DIAPH2: variants seen among roughly 807,000 people sequenced by gnomAD.
DIAPH2 encodes diaphanous related formin 2, also known as protein diaphanous homolog 2.
Under a neutral mutation model 92.7 loss-of-function variants are expected in DIAPH2, and 35 were observed. The observed-to-expected ratio is 0.38, with a 90% CI of 0.29 to 0.50. The LOEUF (loss-of-function observed/expected upper bound fraction) is 0.50, where lower values mean the gene tolerates loss of function less well. DIAPH2 is among the 20% of genes least tolerant of loss of function. The probability of loss-of-function intolerance (pLI) is 0.94; values close to 1 mark genes in which losing one functional copy is unlikely to be tolerated. For missense variants in DIAPH2, 701 were observed against 819.5 expected (o/e 0.86, Z 1.77); for synonymous variants, 301 against 280.4 (o/e 1.07, Z -0.73).
intron 23 of DIAPH2, among the ~76,000 whole-genome samples, chrX:97,288,538 TC>T (rs1277343040): frequency 3.6e-5 from 4 of 110,029 alleles, no homozygotes; most frequent in South Asian, 4.0e-4. Flanking sequence ...GGTCAGGAGT[TC>T]GAGAACAGCC....
intron 4 of DIAPH2, among the ~76,000 whole-genome samples, chrX:96,787,314 G>A (rs181942594): frequency 9.0e-6 from 1 of 111,106 alleles, no homozygotes; most frequent in African/African-American, 3.3e-5. Flanking sequence ...ACCAATAAAT[G>A]GATTTTGAAC....
chrX:96,973,031 CCTTGT>C (rs764280675), intron 17 of DIAPH2, among the ~76,000 whole-genome samples: 4 of 110,470 alleles, frequency 3.6e-5, no homozygotes, highest in South Asian at 3.9e-4. Flanking sequence ...GAGACATTTG[CCTTGT>C]CTGGGAATAG....
intron 23 of DIAPH2, among the ~76,000 whole-genome samples, chrX:97,287,845 C>T (rs1347930727): frequency 1.9e-5 from 2 of 103,025 alleles, no homozygotes; most frequent in African/African-American, 7.1e-5. Context: ...CCCAGCTACT[C>T]GGGAGGCTGA....
chrX:97,183,501 A>G (rs1385126941), intron 22 of DIAPH2, among the ~76,000 whole-genome samples: 7 of 112,439 alleles, frequency 6.2e-5, no homozygotes, highest in African/African-American at 2.3e-4. Flanking sequence ...TGATAATTAA[A>G]TGTAGTCAAA....
At chrX:97,175,067 G>A (rs191688662) in intron 22 of DIAPH2, among the ~76,000 whole-genome samples, 2 of 111,701 alleles carry the variant, frequency 1.8e-5, no homozygotes, top group African/African-American at 6.5e-5. Context: ...CACAGTTTTT[G>A]GCCATTTGGA....
At chrX:97,497,194 G>A (rs1394119530) in intron 26 of DIAPH2, among the ~76,000 whole-genome samples, 5 of 111,394 alleles carry the variant, frequency 4.5e-5, no homozygotes, top group Non-Finnish European at 9.4e-5. Context: ...TTACTGAAAG[G>A]AAGGAGAATT....
rs6620168 is a variant in DIAPH2, at chrX:96,802,024, T to C, written c.447+43766T>C. 3.1e-4 allele frequency among the ~76,000 whole-genome samples: 35 copies of C among 112,213 alleles called. 1 individual carries two copies. The East Asian group carries it at 9.5e-3, about 30-fold the overall frequency. On this transcript the variant is annotated intron_variant, in intron 4 of 26. Transcript: ENST00000324765. ...AACAATACTGTCTCTTCCCAATTCC[T>C]ACTGTCCTTGTCCTCCCTAAAGACT...
intron 22 of DIAPH2, among the ~76,000 whole-genome samples, chrX:97,215,222 T>C (rs1477605278): frequency 2.7e-5 from 3 of 111,640 alleles, no homozygotes; most frequent in Admixed American, 9.6e-5. Context: ...CCTTCTAATA[T>C]AGTTTTCTTG....
At position 97,010,757 on chromosome X, in the gene DIAPH2, C is replaced by T. The variant is rs776984186; in HGVS notation, c.2050+45550C>T. Among the ~76,000 whole-genome samples the T allele has an allele frequency of 6.4e-4, 72 of 112,058 alleles. 2 individuals carry two copies. Among genetic ancestry groups the T allele is most frequent in the Admixed American group, 2.8e-3 (30 of 10,621 alleles). On this transcript the variant is annotated intron_variant, in intron 17 of 26. Coordinates refer to ENST00000324765, the MANE Select transcript of DIAPH2 (RefSeq NM_006729.5). ...TTTAGATCAAACCTAGGTACAACTA[C>T]GGTATGATCTAAGATGACATATAGA... is the stretch of plus-strand genomic sequence containing the variant.
intron 26 of DIAPH2, among the ~76,000 whole-genome samples, chrX:97,502,989 A>G (rs1602632395): frequency 8.9e-6 from 1 of 112,226 alleles, no homozygotes; most frequent in East Asian, 2.8e-4. Flanking sequence ...ATTTTGCAGG[A>G]AAATATTGTA....
chrX:96,940,452 G>C (rs1270019005), intron 12 of DIAPH2, among the ~76,000 whole-genome samples: 2 of 111,855 alleles, frequency 1.8e-5, no homozygotes. Context: ...ACATTTAACT[G>C]TTCAAGAGAC....
intron 22 of DIAPH2, among the ~76,000 whole-genome samples, chrX:97,225,022 C>T (rs1460010791): frequency 9.0e-6 from 1 of 110,842 alleles, no homozygotes; most frequent in Non-Finnish European, 1.9e-5. Context: ...TATCATGAAT[C>T]AATTGTGCTT....
intron 26 of DIAPH2, chrX:97,431,413 G>C (rs955843814): frequency 4.2e-4 from 47 of 112,288 alleles, no homozygotes; most frequent in African/African-American, 1.5e-3. Flanking sequence ...TAAAGCCCTT[G>C]TCTGATTAGT....
intron 4 of DIAPH2, among the ~76,000 whole-genome samples, chrX:96,814,373 A>G (rs1019221653): frequency 9.0e-5 from 10 of 111,684 alleles, no homozygotes; most frequent in African/African-American, 2.9e-4. Flanking sequence ...TTTCAGCTCC[A>G]TCAGGTCATT....
At chrX:97,346,282 G>T (rs1192925146) in intron 23 of DIAPH2, among the ~76,000 whole-genome samples, 1 of 110,963 alleles carries the variant, frequency 9.0e-6, no homozygotes, top group Non-Finnish European at 1.9e-5. Flanking sequence ...AAGCCCTTTG[G>T]GCGATTAAGG....
chrX:97,541,295 C>T (rs759696359), intron 26 of DIAPH2, among the ~76,000 whole-genome samples: 4 of 111,814 alleles, frequency 3.6e-5, no homozygotes, highest in Middle Eastern at 4.6e-3. Flanking sequence ...AGCACTTGTT[C>T]ACTGCAGCAT....
chrX:97,251,085 CAG>C (rs1313658531), intron 23 of DIAPH2, among the ~76,000 whole-genome samples: 3 of 111,882 alleles, frequency 2.7e-5, no homozygotes, highest in Non-Finnish European at 5.6e-5. Flanking sequence ...TGTTCTGACT[CAG>C]AAAAAATTAG....
Position 97,521,218 on chromosome X carries a change from G to A in DIAPH2, c.3242-78035G>A, listed in dbSNP as rs750196479. On this transcript the variant is annotated intron_variant, in intron 26 of 26. Coordinates refer to ENST00000324765, the MANE Select transcript of DIAPH2 (RefSeq NM_006729.5). ...TGCTGGCACCATGATATTATTAGACGTCCCAGCTGCCAGAACTGTGAGAAA... is the reference window on the plus strand; with the variant it reads ...TGCTGGCACCATGATATTATTAGACATCCCAGCTGCCAGAACTGTGAGAAA... Among the ~76,000 whole-genome samples, 4 of 111,923 alleles carry A rather than the reference G, an allele frequency of 3.6e-5. No individual in the cohort carries two copies. In the South Asian group the frequency reaches 1.1e-3, roughly 31 times the overall value.
At chrX:97,197,998 A>G (rs1339956700) in intron 22 of DIAPH2, among the ~76,000 whole-genome samples, 1 of 111,371 alleles carries the variant, frequency 9.0e-6, no homozygotes, top group Non-Finnish European at 1.9e-5. Context: ...TTATGTTTGC[A>G]TCACTTAGAC....
Sources: allele counts gnomAD v4.1 joint callset (sites outside exome capture counted in the v4.1 genomes callset), GRCh38; gene constraint gnomAD v4.1.1; transcripts MANE v1.5; gene names NCBI Gene and HGNC (gene_info 2026-07-23, HGNC 2026-07-21).